Variants in ANK3 observed in about 807,000 individuals in gnomAD.
ANK3 encodes ankyrin 3.
In ANK3, 57 loss-of-function variants were observed where a neutral mutation model predicts 370.9. The observed-to-expected ratio is 0.15, with a 90% CI of 0.12 to 0.19. The LOEUF is 0.19. Ranked by LOEUF, ANK3 falls within the 10% of genes least tolerant of loss-of-function variation. The probability of loss-of-function intolerance (pLI) is 1.00; values close to 1 mark genes in which losing one functional copy is unlikely to be tolerated. For synonymous variants in ANK3, 1,929 were observed against 1,946.3 expected, an observed-to-expected ratio of 0.99 and a Z score of 0.23; for missense variants, 4,439 against 5,302.1, an observed-to-expected ratio of 0.84 and a Z score of 5.06.
Position 60,501,910 on chromosome 10 carries a change from C to T in ANK3, c.96+113276G>A, listed in dbSNP as rs1384235153. Among the ~76,000 whole-genome samples, 5 of 152,088 alleles carry T rather than the reference C, an allele frequency of 3.3e-5. No homozygotes were observed. The South Asian group carries it at 6.2e-4, about 19-fold the overall frequency. Reference sequence around the variant, plus strand: ...CTGAGGCAGGAGCATCGCTTCAGCCCGGGAGTTTGAGGTTGCAGTGAGCTA... The same window carrying T: ...CTGAGGCAGGAGCATCGCTTCAGCCTGGGAGTTTGAGGTTGCAGTGAGCTA... On this transcript the variant is annotated intron_variant, in intron 2 of 43. Transcript: ENST00000373827.
chr10:60,193,241 G>A (rs905216047), intron 16 of ANK3, among the ~76,000 whole-genome samples: 1 of 152,194 alleles, frequency 6.6e-6, no homozygotes, highest in African/African-American at 2.4e-5. Context: ...TTAAAGGATT[G>A]CTTTTCTTTT....
chr10:60,306,827 C>T (rs1377303339), intron 1 of ANK3, among the ~76,000 whole-genome samples: 2 of 152,120 alleles, frequency 1.3e-5, no homozygotes, highest in Non-Finnish European at 2.9e-5. Flanking sequence ...AGCATAAAGA[C>T]TTAGGGTATT....
intron 18 of ANK3, among the ~76,000 whole-genome samples, chr10:60,176,179 CAAA>C (rs1328240039): frequency 2.5e-5 from 2 of 80,078 alleles, no homozygotes; most frequent in African/African-American, 1.0e-4. Flanking sequence ...GCTAAAAATA[CAAA>C]AAAAAAAAAA....
chr10:60,542,386 G>GA (rs1270075407), intron 2 of ANK3, among the ~76,000 whole-genome samples: 1 of 151,686 alleles, frequency 6.6e-6, no homozygotes, highest in Non-Finnish European at 1.5e-5. Context: ...TTTACAACAT[G>GA]AAAAAATGCT....
intron 8 of ANK3, among the ~76,000 whole-genome samples, chr10:60,215,360 T>C (rs2211239): frequency 0.68 from 102,629 of 151,880 alleles, 35,663 homozygotes; most frequent in East Asian, 0.85. Context: ...CTCTTTAGTT[T>C]AATTAGATCT....
At chr10:60,274,466 C>T (rs2098053563) in intron 4 of ANK3, among the ~76,000 whole-genome samples, 1 of 152,162 alleles carries the variant, frequency 6.6e-6, no homozygotes, top group South Asian at 2.1e-4. Context: ...CAGAGAATTA[C>T]CTATTCCCCA....
chr10:60,375,855 C>A (rs545519497), intron 1 of ANK3, among the ~76,000 whole-genome samples: 1 of 152,310 alleles, frequency 6.6e-6, no homozygotes, highest in Admixed American at 6.5e-5. Flanking sequence ...TCACTGATGA[C>A]TATCACTAAA....
Position 60,090,089 on chromosome 10 carries a change from G to A in ANK3, c.3329-1731C>T, listed in dbSNP as rs192310568. On this transcript the variant is annotated intron_variant, in intron 28 of 43. Transcript: ENST00000280772. ...TGTAATCCCAGCACTTTGGGAGGCC[G>A]AGGCAGATTACGAGGTCAGGAGTTC... 2.2e-4 allele frequency among the ~76,000 whole-genome samples: 33 copies of A among 152,172 alleles called. No individual in the cohort carries two copies. In the East Asian group the frequency reaches 4.8e-3, roughly 22 times the overall value.
chr10:60,199,668 A>G (rs1377916142), intron 13 of ANK3, among the ~76,000 whole-genome samples: 3 of 152,060 alleles, frequency 2.0e-5, no homozygotes, highest in Non-Finnish European at 4.4e-5. Context: ...TACGAGGCCA[A>G]TTCTGAAGTG....
chr10:60,300,304 G>A (rs2043407569), intron 1 of ANK3: 3 of 1,224,288 alleles, frequency 2.5e-6, no homozygotes, highest in Non-Finnish European at 3.2e-6. Flanking sequence ...TCATTTAGGA[G>A]CTGTAAATGC....
chr10:60,489,042 T>C (rs1487348687), intron 2 of ANK3, among the ~76,000 whole-genome samples: 1 of 152,234 alleles, frequency 6.6e-6, no homozygotes, highest in East Asian at 1.9e-4. Context: ...GGCAAAATTA[T>C]AGCACTTTTA....
At chr10:60,718,470 C>A (rs558675477) in intron 1 of ANK3, among the ~76,000 whole-genome samples, 2 of 151,718 alleles carry the variant, frequency 1.3e-5, no homozygotes, top group African/African-American at 4.8e-5. Context: ...AATTTACTCA[C>A]CTGAAATTAA....
chr10:60,677,920 T>TCCAAATTCCATCCCAGCTGC (rs1326194125), intron 1 of ANK3, among the ~76,000 whole-genome samples: 2 of 152,204 alleles, frequency 1.3e-5, no homozygotes, highest in African/African-American at 4.8e-5. Flanking sequence ...GTCACAGAAG[T>TCCAAATTCCATCCCAGCTGC]CCAAATTCCA....
intron 7 of ANK3, among the ~76,000 whole-genome samples, chr10:60,249,380 A>C (rs2097608802): frequency 6.6e-6 from 1 of 152,212 alleles, no homozygotes; most frequent in Non-Finnish European, 1.5e-5. Context: ...AAAATTCTTA[A>C]AAAAGTAATG....
intron 2 of ANK3, among the ~76,000 whole-genome samples, chr10:60,498,798 T>C (rs2133137282): frequency 6.6e-6 from 1 of 152,340 alleles, no homozygotes; most frequent in South Asian, 2.1e-4. Context: ...GCCATTCAAA[T>C]CATTACTATT....
At chr10:60,362,285 C>T (rs2058729369) in intron 1 of ANK3, among the ~76,000 whole-genome samples, 1 of 152,148 alleles carries the variant, frequency 6.6e-6, no homozygotes, top group African/African-American at 2.4e-5. Flanking sequence ...GTTTAACTAT[C>T]TTATTTGGGT....
intron 2 of ANK3, among the ~76,000 whole-genome samples, chr10:60,570,767 T>C (rs1235348172): frequency 6.6e-6 from 1 of 152,022 alleles, no homozygotes. Flanking sequence ...TCAAAGCAAT[T>C]GACTTTATAT....
intron 7 of ANK3, among the ~76,000 whole-genome samples, chr10:60,246,272 A>AG (rs2097552041): frequency 6.7e-6 from 1 of 149,060 alleles, no homozygotes; most frequent in African/African-American, 2.4e-5. Context: ...AAAAAAAAAA[A>AG]AAAAAAAAAG....
intron 2 of ANK3, among the ~76,000 whole-genome samples, chr10:60,420,337 T>G (rs953500661): frequency 2.6e-5 from 4 of 152,172 alleles, no homozygotes. Context: ...TTTAAGGCAC[T>G]GACCCACGTT....
Sources: gnomAD v4.1 joint callset for allele counts (sites outside exome capture counted in the v4.1 genomes callset) on GRCh38, gnomAD v4.1.1 for gene constraint, MANE v1.5 for transcripts, NCBI Gene and HGNC (gene_info 2026-07-23, HGNC 2026-07-21) for gene names.